SUSD2: variants seen among roughly 807,000 people sequenced by gnomAD.
The protein encoded by SUSD2 is sushi domain containing 2.
A neutral mutation model predicts 93.8 loss-of-function variants in SUSD2; 86 were observed. The observed-to-expected ratio is 0.92, with a 90% CI of 0.77 to 1.10. SUSD2 has a LOEUF of 1.10. Among genes scored for constraint, SUSD2 ranks in the 50% least tolerant of loss-of-function variants. SUSD2 has a pLI of 0.00. For missense variants in SUSD2, 1,060 were observed against 1,137.0 expected, an observed-to-expected ratio of 0.93 and a Z score of 0.97; for synonymous variants, 483 against 485.0, an observed-to-expected ratio of 1.00 and a Z score of 0.05.
rs2047366080 is a variant in SUSD2, at chr22:24,186,291, G to A, written c.1518G>A (p.Val506=). The A allele has an allele frequency of 6.2e-7, 1 of 1,613,820 alleles. No individual in the cohort carries two copies. Among genetic ancestry groups the A allele is most frequent in the African/African-American group, 1.3e-5 (1 of 75,080 alleles). ...TETRGTGLTA[V]AVQEGNSDVV... is the part of the protein sequence containing the mutation. ...CCCGTGGCACTGGGCTGACCGCAGT[G>A]GCCGTCCAGGAGGGCAACTCAGATG... The change falls in exon 10 of 15, where the codon GTG becomes GTA. Residue 506 remains valine, a synonymous_variant. Transcript: ENST00000358321.
At position 24,187,621 on chromosome 22, in the gene SUSD2, G is replaced by A. The variant is rs2047378183; in HGVS notation, c.1942G>A (p.Val648Ile). 1.2e-6 allele frequency: 2 copies of A among 1,613,746 alleles called. No homozygotes were observed. The highest frequency in any genetic ancestry group is 1.7e-6 in the Non-Finnish European group (2 of 1,179,920). Residue 648 changes from valine (V) to isoleucine (I), a missense_variant, in exon 12 of 15, where the codon GTC (valine) becomes ATC (isoleucine). By Grantham distance (29) the Val-to-Ile change is conservative. Around this residue, in one of 2 missense-constraint regions of SUSD2, gnomAD observed 973 missense variants for 1,005.3 expected, o/e 0.97. Transcript: ENST00000358321. ...GCTCACCTACGATTCCTGGTTCCTG[G>A]TCCACAACTTCCTGTACCAACCCAA... is the stretch of plus-strand genomic sequence containing the variant. Reference protein sequence around the residue: ...SLLTYDSWFLVHNFLYQPKHD... With the variant: ...SLLTYDSWFLIHNFLYQPKHD...
Position 24,188,649 on chromosome 22 carries a change from A to G in SUSD2, c.*213A>G. The G allele has an allele frequency of 1.8e-6, 1 of 567,476 alleles. No homozygotes were observed. Among genetic ancestry groups the G allele is most frequent in the Non-Finnish European group, 3.1e-6 (1 of 317,486 alleles). 35.2% of individuals were successfully genotyped at this position (567,476 alleles called of 1,614,324 possible). A position where few individuals can be genotyped will look rare whatever the true frequency, so the allele number is the denominator to read the frequency against. ...CTAGCAGCGCTCCGTGCTCTTCCCC[A>G]AATACTCACGGCTCTAATTCCCCAA... On this transcript the variant is annotated 3_prime_UTR_variant, in exon 15 of 15. Transcript: ENST00000358321. This position sits in a 1 kb window ranked among gnomAD's most constrained non-coding sequence, Gnocchi z 4.7.
Position 24,185,532 on chromosome 22 carries a change from A to AC in SUSD2, c.1035dup (p.Gly346ArgfsTer34), listed in dbSNP as rs1451188229. 6.3e-7 allele frequency: 1 copy of AC among 1,581,764 alleles called. No individual in the cohort carries two copies. Among genetic ancestry groups the AC allele is most frequent in the Non-Finnish European group, 8.6e-7 (1 of 1,164,028 alleles). On this transcript the variant is annotated frameshift_variant, in exon 7 of 15. Transcript: ENST00000358321. LOFTEE classifies it high-confidence loss of function. Reference sequence around the variant, plus strand: ...GAGCAGGGCAGCGTGTGCACCTACCACCCCGGGGCCGTGCACTGTGTGCGT... The same window carrying AC: ...GAGCAGGGCAGCGTGTGCACCTACCACCCCCGGGGCCGTGCACTGTGTGCGT...
chr22:24,186,575 G>A (rs892860880), intron 10 of SUSD2, 160 bp downstream of exon 10: 24 of 819,778 alleles, frequency 2.9e-5, no homozygotes, highest in Non-Finnish European at 4.1e-5. Flanking sequence ...AGGTGCCCCC[G>A]TCGTACCCAC....
rs928007468 is a variant in SUSD2, at chr22:24,187,651, G to A, written c.1972G>A (p.Asp658Asn). 7.4e-6 allele frequency: 12 copies of A among 1,613,940 alleles called. No homozygotes were observed. Among genetic ancestry groups the A allele is most frequent in the Admixed American group, 3.3e-5 (2 of 60,002 alleles). Reference protein sequence around the residue: ...VHNFLYQPKHDPTFEPLFPSE... With the variant: ...VHNFLYQPKHNPTFEPLFPSE... ...CAACTTCCTGTACCAACCCAAGCACGACCCCACCTTCGAGCCCCTCTTCCC... is the reference window on the plus strand; with the variant it reads ...CAACTTCCTGTACCAACCCAAGCACAACCCCACCTTCGAGCCCCTCTTCCC... Residue 658 changes from aspartate to asparagine, a missense_variant, in exon 12 of 15, where the codon GAC (aspartate) becomes AAC (asparagine). By Grantham distance (23) the Asp-to-Asn change is conservative. Coordinates refer to ENST00000358321, the MANE Select transcript of SUSD2 (RefSeq NM_019601.4).
rs1402693208 is a variant in SUSD2 at position 24,184,286 on chromosome 22, G to C, written c.590G>C (p.Trp197Ser). The C allele has an allele frequency of 2.5e-5, 41 of 1,613,266 alleles. No homozygotes were observed. The highest frequency in any genetic ancestry group is 3.5e-5 in the Non-Finnish European group (41 of 1,179,990). Residue 197 changes from tryptophan to serine, a missense_variant, in exon 4 of 15, where the codon TGG becomes TCG. Transcript: ENST00000358321. ...ACGCAGACCATCACCATCGAACTGT[G>C]GGGCTACGAGGAGACAGGTGAGGCC... Reference protein sequence around the residue: ...LPTQTITIELWGYEETGMPYS... With the variant: ...LPTQTITIELSGYEETGMPYS...
intron 5 of SUSD2, 70 bp from the exon 6 acceptor site, chr22:24,185,024 G>C: frequency 6.2e-7 from 1 of 1,611,662 alleles, no homozygotes; most frequent in Non-Finnish European, 8.5e-7. Context: ...GCCCAGGCTG[G>C]GGGTGGGGAG....
Position 24,184,954 on chromosome 22 carries a change from G to A in SUSD2, c.782+14G>A. ...CGCAGGGCAGAAGTAAGAAGGCATG[G>A]ATGTGCAGGTGATGGCTGGAGGGCC... On this transcript the variant is annotated intron_variant, in intron 5 of 14. Transcript: ENST00000358321. 1 of 1,613,162 alleles carries A rather than the reference G, an allele frequency of 6.2e-7. No individual in the cohort carries two copies. The highest frequency in any genetic ancestry group is 2.2e-5 in the East Asian group (1 of 44,862).
intron 2 of SUSD2, 111 bp from the exon 3 acceptor site, chr22:24,183,384 G>A: frequency 6.5e-7 from 1 of 1,531,012 alleles, no homozygotes. Flanking sequence ...ACAGGCAGGA[G>A]GGCACAGGGA....
chr22:24,186,004 C>T lies in SUSD2; in HGVS notation c.1340-12C>T. The stretch of plus-strand genomic sequence containing the variant: ...GGGTGCACCCCCACGTGACCCTCCA[C>T]TCTCACCCTAGCCTCCGCCTTCGGA... On this transcript the variant is annotated splice_polypyrimidine_tract_variant and intron_variant, in intron 8 of 14. Coordinates refer to ENST00000358321, the MANE Select transcript of SUSD2 (RefSeq NM_019601.4). 2 of 1,600,472 alleles carry T rather than the reference C, an allele frequency of 1.2e-6. No individual in the cohort carries two copies. Among genetic ancestry groups the T allele is most frequent in the Non-Finnish European group, 1.7e-6 (2 of 1,172,070 alleles).
Position 24,185,650 on chromosome 22 carries a change from G to T in SUSD2, c.1071-11G>T. On this transcript the variant is annotated splice_polypyrimidine_tract_variant and intron_variant, in intron 7 of 14. Transcript: ENST00000358321. ...AACAGTGGCCTGGCCCTGACTCACT[G>T]GCTCCTGCAGCCTCCGGTACGGCTC... is the stretch of plus-strand genomic sequence containing the variant. 2 of 1,608,354 alleles carry T rather than the reference G, an allele frequency of 1.2e-6. No homozygotes were observed. The highest frequency in any genetic ancestry group is 1.7e-6 in the Non-Finnish European group (2 of 1,177,462).
chr22:24,183,301 C>T (rs1230899245), intron 2 of SUSD2, 34 bp downstream of exon 2: 6 of 1,580,722 alleles, frequency 3.8e-6, no homozygotes, highest in Middle Eastern at 2.0e-4. Context: ...CACTGGGGCC[C>T]CACGCCCCCA....
Position 24,185,105 on chromosome 22 carries a change from C to A in SUSD2, c.794C>A (p.Ala265Glu). ...KNYAGQKDVQ[A>E]LWTNDHALAW... The stretch of plus-strand genomic sequence containing the variant: ...CATCACCTCCACAGGGACGTGCAGG[C>A]GCTCTGGACCAACGACCACGCACTG... The change falls in exon 6 of 15, where the codon GCG becomes GAG. Residue 265 changes from alanine (A) to glutamate (E), a missense_variant. Ala to Glu is a moderately radical substitution (Grantham distance 107, BLOSUM62 -1). Around this residue, in one of 2 missense-constraint regions of SUSD2, gnomAD observed 973 missense variants for 1,005.3 expected, o/e 0.97. Transcript: ENST00000358321. The A allele has an allele frequency of 6.2e-7, 1 of 1,612,874 alleles. No homozygotes were observed. Among genetic ancestry groups the A allele is most frequent in the Non-Finnish European group, 8.5e-7 (1 of 1,179,808 alleles).
At position 24,183,531 on chromosome 22, in the gene SUSD2, C is replaced by T. The variant is rs148359937; in HGVS notation, c.324C>T (p.Asp108=). The change falls in exon 3 of 15, where the codon GAC becomes GAT. Residue 108 remains aspartate (D), a synonymous_variant. Coordinates refer to ENST00000358321, the MANE Select transcript of SUSD2 (RefSeq NM_019601.4). ...GCATCCAGACCCTCGGCCATGTGGACTCCTCCGGGCAAGTGCACTGTGTGT... is the reference window on the plus strand; with the variant it reads ...GCATCCAGACCCTCGGCCATGTGGATTCCTCCGGGCAAGTGCACTGTGTGT... ...KDSIQTLGHV[D]SSGQVHCVSP... is the part of the protein sequence containing the mutation. 39 of 1,613,262 alleles carry T rather than the reference C, an allele frequency of 2.4e-5. No individual in the cohort carries two copies. In the African/African-American group the frequency reaches 3.9e-4, roughly 16 times the overall value.
In SUSD2 at chr22:24,187,797, G is replaced by A. The variant is rs1455517252; in HGVS notation, c.2118G>A (p.Arg706=). The change falls in exon 12 of 15, where the codon CGG becomes CGA. Residue 706 remains arginine, a synonymous_variant. Transcript: ENST00000358321. ...GCCTGAGCACGGGCACTGCCACTCG[G>A]GTGGCCCACCAGCTGCACCAGCGTC... ...TGSLSTGTAT[R]VAHQLHQRRM... is the part of the protein sequence containing the mutation. 1 of 1,613,670 alleles carries A rather than the reference G, an allele frequency of 6.2e-7. No individual in the cohort carries two copies. The highest frequency in any genetic ancestry group is 8.5e-7 in the Non-Finnish European group (1 of 1,179,946).
At chr22:24,184,653 T>A (rs2047348454) in intron 4 of SUSD2, 113 bp from the exon 5 acceptor site, 1 of 880,864 alleles carries the variant, frequency 1.1e-6, no homozygotes, top group Non-Finnish European at 1.8e-6. Flanking sequence ...CAGCCCCTCC[T>A]AAGGGGACCG....
chr22:24,183,683 G>T (rs921484022), intron 3 of SUSD2, 37 bp downstream of exon 3: 6 of 1,596,856 alleles, frequency 3.8e-6, no homozygotes, highest in Middle Eastern at 1.7e-4. Flanking sequence ...TGCCCCCACG[G>T]GGACTTTCCC....
Position 24,185,514 on chromosome 22 carries a change from G to A in SUSD2, c.1013G>A (p.Gly338Asp). 2 of 1,573,906 alleles carry A rather than the reference G, an allele frequency of 1.3e-6. No individual in the cohort carries two copies. The highest frequency in any genetic ancestry group is 1.8e-5 in the Admixed American group (1 of 54,076). The change falls in exon 7 of 15, where the codon GGC (glycine) becomes GAC (aspartate). Residue 338 changes from glycine to aspartate, a missense_variant. Transcript: ENST00000358321. ...FTDYGCDMEQ[G>D]SVCTYHPGAV... ...GACTACGGCTGTGACATGGAGCAGG[G>A]CAGCGTGTGCACCTACCACCCCGGG...
At position 24,185,770 on chromosome 22, in the gene SUSD2, G is replaced by A. The variant is rs370335967; in HGVS notation, c.1180G>A (p.Ala394Thr). The A allele has an allele frequency of 1.5e-4, 237 of 1,609,240 alleles. No homozygotes were observed. Among genetic ancestry groups the A allele is most frequent in the Middle Eastern group, 4.9e-4 (3 of 6,076 alleles). ...STPDRGHDWG[A>T]PPFRTPPRVP... The stretch of plus-strand genomic sequence containing the variant: ...TCCCGACCGCGGCCATGACTGGGGC[G>A]CACCCCCGTTCCGCACGCCACCCCG... Residue 394 changes from alanine to threonine, a missense_variant, in exon 8 of 15, where the codon GCA becomes ACA. Physicochemically the swap from Ala to Thr is moderately conservative, Grantham distance 58 (BLOSUM62 0). Transcript: ENST00000358321.
Sources: allele counts gnomAD v4.1 joint callset, GRCh38; gene constraint gnomAD v4.1.1; regional missense constraint gnomAD v4.1.1; non-coding constraint Gnocchi (gnomAD v3.1); transcripts MANE v1.5; gene names NCBI Gene and HGNC (gene_info 2026-07-23, HGNC 2026-07-21).